Variants in FRRS1 observed in about 807,000 individuals in gnomAD.
FRRS1 encodes the protein ferric chelate reductase 1, also known as ferric reductase 1.
A neutral mutation model predicts 70.7 loss-of-function variants in FRRS1; 51 were observed. The observed-to-expected ratio is 0.72, with a 90% confidence interval of 0.58 to 0.91. FRRS1 has a LOEUF of 0.91. Ranked by LOEUF, FRRS1 falls within the 40% of genes least tolerant of loss-of-function variation. FRRS1 has a pLI of 0.00. For missense variants in FRRS1, 672 were observed against 726.0 expected, an observed-to-expected ratio of 0.93 and a Z score of 0.86; for synonymous variants, 225 against 238.7, an observed-to-expected ratio of 0.94 and a Z score of 0.53.
intron 1 of FRRS1, among the ~76,000 whole-genome samples, chr1:99,757,080 CTTT>C: frequency 7.0e-6 from 1 of 142,134 alleles, no homozygotes; most frequent in Admixed American, 7.1e-5. Context: ...AAAAGGGTCT[CTTT>C]TTTTTTTTTT....
chr1:99,728,494 A>G lies in FRRS1; in HGVS notation c.1005T>C (p.Asp335=), dbSNP rs1182528432. 1.2e-6 allele frequency: 2 copies of G among 1,608,484 alleles called. No homozygotes were observed. ...YIFLADGAAN[D]GRIYKHSQQP... The stretch of plus-strand genomic sequence containing the variant: ...AAGACAGCTTAACAATATACTTACC[A>G]TCATTAGCTGCACCATCTGCTAGAA... Residue 335 remains aspartate, a splice_region_variant and synonymous_variant, in exon 9 of 17, where the codon GAT becomes GAC. Transcript: ENST00000646001.
intron 15 of FRRS1, among the ~76,000 whole-genome samples, chr1:99,710,070 GAT>G (rs1654201793): frequency 6.6e-6 from 1 of 152,194 alleles, no homozygotes. Flanking sequence ...TAGCAGGACA[GAT>G]ATGTACTACT....
At chr1:99,723,792 C>CA (rs1654950403) in intron 9 of FRRS1, among the ~76,000 whole-genome samples, 1 of 151,866 alleles carries the variant, frequency 6.6e-6, no homozygotes, top group Non-Finnish European at 1.5e-5. Context: ...ATGGACTATT[C>CA]AAAAAAATGG....
chr1:99,759,395 G>T (rs1275062160), intron 1 of FRRS1, among the ~76,000 whole-genome samples: 4 of 152,126 alleles, frequency 2.6e-5, no homozygotes, highest in Admixed American at 2.6e-4. Context: ...GAAATATTGG[G>T]GGCGGGTTCC....
intron 1 of FRRS1, among the ~76,000 whole-genome samples, chr1:99,758,969 C>T (rs902705256): frequency 6.6e-6 from 1 of 152,054 alleles, no homozygotes; most frequent in African/African-American, 2.4e-5. Flanking sequence ...CAAAACTCTG[C>T]CCTGGTAAAT....
chr1:99,745,557 G>A (rs954653312), intron 4 of FRRS1, among the ~76,000 whole-genome samples: 1 of 151,984 alleles, frequency 6.6e-6, no homozygotes, highest in Non-Finnish European at 1.5e-5. Flanking sequence ...GGTGGTGGGC[G>A]CCTATAATCC....
chr1:99,718,186 A>T (rs1167636551), intron 10 of FRRS1, among the ~76,000 whole-genome samples: 1 of 152,202 alleles, frequency 6.6e-6, no homozygotes, highest in Non-Finnish European at 1.5e-5. Context: ...CCCCCAAAAC[A>T]CTAAGAGTTT....
At chr1:99,741,005 T>G (rs1458602881) in intron 5 of FRRS1, 65 bp from the exon 6 acceptor site, 16 of 1,391,714 alleles carry the variant, frequency 1.1e-5, no homozygotes, top group Middle Eastern at 1.8e-4. Flanking sequence ...ATCAAAACGT[T>G]AAAGGAAAAA....
chr1:99,748,489 C>T, intron 3 of FRRS1, 84 bp downstream of exon 3: 1 of 1,122,062 alleles, frequency 8.9e-7, no homozygotes, highest in Non-Finnish European at 1.3e-6. Flanking sequence ...TAAGTGAAAT[C>T]TTCTAAATCA....
At chr1:99,741,401 A>C (rs1201066193) in intron 5 of FRRS1, among the ~76,000 whole-genome samples, 1 of 152,222 alleles carries the variant, frequency 6.6e-6, no homozygotes, top group African/African-American at 2.4e-5. Context: ...TCCATCTAAC[A>C]TACCAGTGCA....
chr1:99,723,735 T>C (rs1654947302), intron 9 of FRRS1, among the ~76,000 whole-genome samples: 1 of 152,180 alleles, frequency 6.6e-6, no homozygotes, highest in South Asian at 2.1e-4. Flanking sequence ...AATTTATTGA[T>C]AGATTTTTAG....
chr1:99,757,362 C>G (rs1656889391), intron 1 of FRRS1, among the ~76,000 whole-genome samples: 1 of 152,022 alleles, frequency 6.6e-6, no homozygotes, highest in Admixed American at 6.6e-5. Context: ...GAATCAAATT[C>G]TAAATTAAGA....
intron 1 of FRRS1, among the ~76,000 whole-genome samples, chr1:99,762,547 T>G (rs1469054390): frequency 1.3e-5 from 2 of 151,100 alleles, no homozygotes; most frequent in Admixed American, 6.7e-5. Context: ...ACCTCTAGGA[T>G]AGTATTTCTT....
rs545640476 is a variant in FRRS1, at chr1:99,728,549, C to A, written c.950G>T (p.Arg317Ile). ...GTAATAGCTTGTGTTTAGATCAAAT[C>A]TATTCTTAACTCCAGGAAGGGTAAT... Reference protein sequence around the residue: ...RNITLPGVKNRFDLNTSYYIF... With the variant: ...RNITLPGVKNIFDLNTSYYIF... The change falls in exon 9 of 17, where the codon AGA (arginine) becomes ATA (isoleucine). Residue 317 changes from arginine (R) to isoleucine (I), a missense_variant. Coordinates refer to ENST00000646001, the MANE Select transcript of FRRS1 (RefSeq NM_001361041.2). 6 of 1,613,084 alleles carry A rather than the reference C, an allele frequency of 3.7e-6. No homozygotes were observed. The highest frequency in any genetic ancestry group is 2.2e-5 in the South Asian group (2 of 91,062).
rs1216721684 is a variant in FRRS1 at position 99,709,222 on chromosome 1, C to A, written c.1662G>T (p.Gln554His). The A allele has an allele frequency of 6.2e-7, 1 of 1,611,024 alleles. No homozygotes were observed. Among genetic ancestry groups the A allele is most frequent in the Non-Finnish European group, 8.5e-7 (1 of 1,177,290 alleles). The change falls in exon 16 of 17, where the codon CAG (glutamine) becomes CAT (histidine). Residue 554 changes from glutamine to histidine, a missense_variant. By Grantham distance (24) the Gln-to-His change is conservative (BLOSUM62 0). Transcript: ENST00000646001. ...ILDDDRIQIL[Q>H]SFTAVETEGH... ...CCTCTGTTTCCACTGCAGTAAATGA[C>A]TGAAGGATCTGAATTCTGTCATCAT...
At chr1:99,758,391 G>C (rs1282623881) in intron 1 of FRRS1, among the ~76,000 whole-genome samples, 1 of 152,158 alleles carries the variant, frequency 6.6e-6, no homozygotes, top group Non-Finnish European at 1.5e-5. Context: ...AGGAAGTCAG[G>C]GACACTGAAT....
At chr1:99,715,810 T>G in intron 11 of FRRS1, 138 bp from the exon 12 acceptor site, 1 of 572,252 alleles carries the variant, frequency 1.7e-6, no homozygotes, top group Non-Finnish European at 3.2e-6. Context: ...AATCACAGTT[T>G]GTAGCCAGGT....
At chr1:99,731,840 T>TA (rs1437636923) in intron 7 of FRRS1, among the ~76,000 whole-genome samples, 2 of 152,160 alleles carry the variant, frequency 1.3e-5, no homozygotes, top group Non-Finnish European at 2.9e-5. Context: ...TTTTATTTTT[T>TA]AAAAAAGTAG....
chr1:99,707,867 G>C lies in FRRS1; in HGVS notation c.*1161C>G, dbSNP rs1422961643. ...AACATAAAAAATGTCTAACAAAACAGAACCAGACACATTATATTATTTCTA... is the reference window on the plus strand; with the variant it reads ...AACATAAAAAATGTCTAACAAAACACAACCAGACACATTATATTATTTCTA... On this transcript the variant is annotated 3_prime_UTR_variant, in exon 17 of 17. Transcript: ENST00000646001. 2.0e-5 allele frequency among the ~76,000 whole-genome samples: 3 copies of C among 152,120 alleles called. No homozygotes were observed. The highest frequency in any genetic ancestry group is 4.4e-5 in the Non-Finnish European group (3 of 68,010).
Sources: allele counts gnomAD v4.1 joint callset (sites outside exome capture counted in the v4.1 genomes callset), GRCh38; gene constraint gnomAD v4.1.1; transcripts MANE v1.5; gene names NCBI Gene and HGNC (gene_info 2026-07-23, HGNC 2026-07-21).